The following MYOF variants were observed in gnomAD, a reference collection of about 807,000 sequenced individuals.
MYOF encodes fer-1-like 3, myoferlin.
MYOF carries 244 observed loss-of-function variants against 284.2 expected under a neutral mutation model. That is an observed-to-expected ratio of 0.86 (90% CI 0.77 to 0.95). MYOF has a LOEUF of 0.95. Ranked by LOEUF, MYOF falls within the 40% of genes least tolerant of loss-of-function variation. The pLI is 0.00. For missense variants in MYOF, 2,496 were observed against 2,560.6 expected (o/e 0.97, Z 0.54); for synonymous variants, 904 against 919.7 (o/e 0.98, Z 0.31).
chr10:93,377,476 G>T, intron 21 of MYOF, 47 bp from the exon 22 acceptor site: 1 of 1,316,108 alleles, frequency 7.6e-7, no homozygotes, highest in Non-Finnish European at 1.1e-6. Flanking sequence ...TGTTCATTAT[G>T]CCATTATACC....
Position 93,372,973 on chromosome 10 carries a change from G to C in MYOF, c.2414C>G (p.Ala805Gly). 6.2e-7 allele frequency: 1 copy of C among 1,614,206 alleles called. No homozygotes were observed. Among genetic ancestry groups the C allele is most frequent in the Non-Finnish European group, 8.5e-7 (1 of 1,180,034 alleles). The change falls in exon 24 of 54, where the codon GCA (alanine) becomes GGA (glycine). Residue 805 changes from alanine to glycine, a missense_variant. Physicochemically the swap from Ala to Gly is moderately conservative, Grantham distance 60 (BLOSUM62 0). Transcript: ENST00000359263. ...GGTTTTCCCACAGTATTTTCCAGATGCATTCTCACCACTGGTGGAGTACAA... is the reference window on the plus strand; with the variant it reads ...GGTTTTCCCACAGTATTTTCCAGATCCATTCTCACCACTGGTGGAGTACAA... ...QVLYSTSGEN[A>G]SGKYCGKTQT...
intron 37 of MYOF, among the ~76,000 whole-genome samples, chr10:93,345,699 A>G (rs1844156378): frequency 6.6e-6 from 1 of 152,334 alleles, no homozygotes; most frequent in Middle Eastern, 3.4e-3. Context: ...CCTCATGGAA[A>G]CAAAGCCCAA....
At chr10:93,317,543 A>C (rs561224109) in intron 49 of MYOF, among the ~76,000 whole-genome samples, 11 of 152,258 alleles carry the variant, frequency 7.2e-5, no homozygotes, top group African/African-American at 2.4e-4. Flanking sequence ...AGGCTGAGGC[A>C]CGAGAATCAC....
At chr10:93,348,687 T>C (rs1487119284) in intron 36 of MYOF, among the ~76,000 whole-genome samples, 2 of 151,860 alleles carry the variant, frequency 1.3e-5, no homozygotes, top group Non-Finnish European at 2.9e-5. Flanking sequence ...GAGGGGAGCA[T>C]GGGCATTGGG....
chr10:93,482,027 T>C, intron 1 of MYOF, 80 bp downstream of exon 1: 1 of 1,361,886 alleles, frequency 7.3e-7, no homozygotes, highest in Non-Finnish European at 1.0e-6. Flanking sequence ...GCTGTCTAAA[T>C]GCAGACTTTT....
intron 9 of MYOF, 141 bp downstream of exon 9, chr10:93,403,882 A>G (rs1020669075): frequency 1.8e-5 from 15 of 842,710 alleles, no homozygotes; most frequent in Middle Eastern, 3.6e-4. Context: ...ACAAGCCCCA[A>G]GCAGCCTTCA....
chr10:93,410,707 T>A (rs911297530), intron 5 of MYOF, among the ~76,000 whole-genome samples: 2 of 152,254 alleles, frequency 1.3e-5, no homozygotes, highest in Non-Finnish European at 2.9e-5. Context: ...TCTGGTAATC[T>A]GTACAATATA....
Position 93,363,969 on chromosome 10 carries a change from T to C in MYOF, c.2860A>G (p.Thr954Ala). The C allele has an allele frequency of 6.2e-7, 1 of 1,614,080 alleles. No individual in the cohort carries two copies. The highest frequency in any genetic ancestry group is 1.1e-5 in the South Asian group (1 of 91,074). Residue 954 changes from threonine to alanine, a missense_variant, in exon 27 of 54, where the codon ACG (threonine) becomes GCG (alanine). This residue lies in a region of MYOF where 2,436 missense variants were observed against 2,480.7 expected (regional missense o/e 0.98). Transcript: ENST00000359263. Reference sequence around the variant, plus strand: ...CGGAGCAGGCCACTCACCGCATCCGTGTAGGTGTCCTCGGCCGGCTTCCAG... The same window carrying C: ...CGGAGCAGGCCACTCACCGCATCCGCGTAGGTGTCCTCGGCCGGCTTCCAG... ...GDWKPAEDTY[T>A]DANGDKAASP...
At chr10:93,392,722 C>A (rs1564677811) in intron 17 of MYOF, among the ~76,000 whole-genome samples, 195 bp downstream of exon 17, 1 of 152,102 alleles carries the variant, frequency 6.6e-6, no homozygotes, top group Non-Finnish European at 1.5e-5. Flanking sequence ...TGGAGCAAAG[C>A]CTGGTTAGCA....
At chr10:93,431,213 G>A (rs1466907268) in intron 4 of MYOF, among the ~76,000 whole-genome samples, 195 bp downstream of exon 4, 1 of 151,838 alleles carries the variant, frequency 6.6e-6, no homozygotes, top group East Asian at 1.9e-4. Context: ...ATTTTTAGTT[G>A]GGATGGGGTT....
rs537405096 is a variant in MYOF at position 93,479,645 on chromosome 10, C to T, written c.88+2462G>A. Among the ~76,000 whole-genome samples, 525 of 152,256 alleles carry T rather than the reference C, an allele frequency of 3.4e-3. 1 individual carries two copies. Among genetic ancestry groups the T allele is most frequent in the Non-Finnish European group, 6.3e-3 (430 of 68,016 alleles). On this transcript the variant is annotated intron_variant, in intron 1 of 53. Coordinates refer to ENST00000359263, the MANE Select transcript of MYOF (RefSeq NM_013451.4). Reference sequence around the variant, plus strand: ...TAAAAGACGGAAGGCATCTAAAGACCAGTTCCCATCATGCCACAGCTGAGA... The same window carrying T: ...TAAAAGACGGAAGGCATCTAAAGACTAGTTCCCATCATGCCACAGCTGAGA...
intron 12 of MYOF, among the ~76,000 whole-genome samples, chr10:93,400,171 A>T (rs1374273427): frequency 6.6e-6 from 1 of 152,178 alleles, no homozygotes; most frequent in East Asian, 1.9e-4. Context: ...GGTCAAAATG[A>T]TATAGTCCTA....
At chr10:93,315,538 G>A (rs1842579685) in intron 50 of MYOF, among the ~76,000 whole-genome samples, 1 of 152,112 alleles carries the variant, frequency 6.6e-6, no homozygotes, top group African/African-American at 2.4e-5. Context: ...GTGAGGTCAG[G>A]GAAGAAATGC....
At chr10:93,340,231 C>G (rs1843835517) in intron 38 of MYOF, 67 bp from the exon 39 acceptor site, 1 of 1,551,064 alleles carries the variant, frequency 6.4e-7, no homozygotes, top group South Asian at 1.2e-5. Flanking sequence ...ATATGGAGAC[C>G]CCAGGAACAT....
Position 93,361,494 on chromosome 10 carries a change from C to T in MYOF, c.2932G>A (p.Asp978Asn), listed in dbSNP as rs1224531354. Residue 978 changes from aspartate (D) to asparagine (N), a missense_variant, in exon 28 of 54, where the codon GAT becomes AAT. Physicochemically the swap from Asp to Asn is conservative, Grantham distance 23 (BLOSUM62 1). This residue lies in a region of MYOF where 2,436 missense variants were observed against 2,480.7 expected (regional missense o/e 0.98). Transcript: ENST00000359263. The part of the protein sequence containing the change: ...TCPPGWEWED[D>N]AWSYDINRAV... ...CGATTTATGTCATAAGACCATGCAT[C>T]ATCTTCCCATTCCCAACCTGGAGGA... 6.2e-7 allele frequency: 1 copy of T among 1,614,234 alleles called. No individual in the cohort carries two copies. Among genetic ancestry groups the T allele is most frequent in the Admixed American group, 1.7e-5 (1 of 60,034 alleles).
intron 5 of MYOF, among the ~76,000 whole-genome samples, chr10:93,419,728 T>C (rs1848277485): frequency 6.6e-6 from 1 of 152,236 alleles, no homozygotes; most frequent in Non-Finnish European, 1.5e-5. Flanking sequence ...TTCATGTTTA[T>C]CTCTTACCTT....
At chr10:93,421,214 T>A (rs577792231) in intron 5 of MYOF, among the ~76,000 whole-genome samples, 1 of 151,880 alleles carries the variant, frequency 6.6e-6, no homozygotes, top group South Asian at 2.1e-4. Context: ...GAGATTCCAC[T>A]TCAAAAAAAA....
chr10:93,338,420 A>G (rs1257440442), intron 39 of MYOF: 1 of 455,998 alleles, frequency 2.2e-6, no homozygotes, highest in Admixed American at 2.4e-5. Context: ...TTCAAGCTGT[A>G]CTGGCTTGGG....
At chr10:93,427,527 T>C (rs1206627553) in intron 4 of MYOF, among the ~76,000 whole-genome samples, 25 of 47,920 alleles carry the variant, frequency 5.2e-4, no homozygotes, top group African/African-American at 1.8e-3. Context: ...CTAGACTCCG[T>C]CTCAAAAAAA....
Sources: gnomAD v4.1 joint callset for allele counts (sites outside exome capture counted in the v4.1 genomes callset) on GRCh38, gnomAD v4.1.1 for gene constraint, gnomAD v4.1.1 regional missense constraint, MANE v1.5 for transcripts, NCBI Gene and HGNC (gene_info 2026-07-23, HGNC 2026-07-21) for gene names.